TENM2: variants seen among roughly 807,000 people sequenced by gnomAD.
The protein encoded by TENM2 is teneurin-2.
Under a neutral mutation model 245.2 loss-of-function variants are expected in TENM2, and 52 were observed. The observed-to-expected ratio is 0.21, with a 90% confidence interval of 0.17 to 0.27. The LOEUF is 0.27. TENM2 is among the 10% of genes least tolerant of loss of function. The probability of loss-of-function intolerance (pLI) is 1.00; values close to 1 mark genes in which losing one functional copy is unlikely to be tolerated. For synonymous variants in TENM2, 1,363 were observed against 1,438.9 expected (o/e 0.95, Z 1.19); for missense variants, 3,046 against 3,666.8 (o/e 0.83, Z 4.37).
At chr5:167,327,380 A>G (rs1241399460) in intron 1 of TENM2, among the ~76,000 whole-genome samples, 4 of 152,210 alleles carry the variant, frequency 2.6e-5, no homozygotes, top group African/African-American at 9.6e-5. Context: ...GGTGAACAAA[A>G]CATGCCTGGC....
At chr5:167,455,281 A>G (rs1765846101) in intron 2 of TENM2, among the ~76,000 whole-genome samples, 1 of 152,194 alleles carries the variant, frequency 6.6e-6, no homozygotes, top group Non-Finnish European at 1.5e-5. Flanking sequence ...TATACAGTTC[A>G]TCATTTGGAT....
the TENM2 span, among the ~76,000 whole-genome samples, chr5:166,991,934 G>T: frequency 6.6e-6 from 1 of 151,924 alleles, no homozygotes; most frequent in Non-Finnish European, 1.5e-5. Flanking sequence ...TTCTCAATAT[G>T]ACCTTTAAAA....
At chr5:167,719,608 G>C (rs1467665570) in intron 2 of TENM2, among the ~76,000 whole-genome samples, 2 of 152,218 alleles carry the variant, frequency 1.3e-5, no homozygotes, top group African/African-American at 4.8e-5. Context: ...AGGACTAATG[G>C]ACAGAAGAAA....
At chr5:168,134,573 G>C (rs1754880848) in intron 12 of TENM2, among the ~76,000 whole-genome samples, 2 of 152,216 alleles carry the variant, frequency 1.3e-5, no homozygotes, top group African/African-American at 4.8e-5. Context: ...TGTAATCCTA[G>C]CTACTCAGGA....
At chr5:167,099,057 T>A in the TENM2 span, among the ~76,000 whole-genome samples, 22 of 152,238 alleles carry the variant, frequency 1.4e-4, no homozygotes, top group Non-Finnish European at 1.3e-4. Flanking sequence ...TGTAGTTTTT[T>A]AAATATTTTT....
At chr5:168,053,724 C>A (rs1789307229) in intron 6 of TENM2, among the ~76,000 whole-genome samples, 1 of 152,132 alleles carries the variant, frequency 6.6e-6, no homozygotes, top group Non-Finnish European at 1.5e-5. Context: ...AGAGCTTGAG[C>A]ATTTACAGAT....
At chr5:167,582,440 C>T (rs1470478437) in intron 2 of TENM2, among the ~76,000 whole-genome samples, 1 of 152,040 alleles carries the variant, frequency 6.6e-6, no homozygotes, top group Non-Finnish European at 1.5e-5. Context: ...TATACACACA[C>T]ATATAGTCTC....
intron 23 of TENM2, 138 bp from the exon 26 acceptor site, chr5:168,225,950 C>T (rs1252216348): frequency 2.0e-5 from 13 of 662,970 alleles, no homozygotes; most frequent in Admixed American, 5.6e-5. Context: ...TTGACTGTGA[C>T]GAGGGGCCTC....
chr5:167,624,396 C>A (rs1352997192), intron 2 of TENM2, among the ~76,000 whole-genome samples: 1 of 152,002 alleles, frequency 6.6e-6, no homozygotes, highest in East Asian at 1.9e-4. Flanking sequence ...AAGATGAGAA[C>A]AATAGACACT....
intron 25 of TENM2, among the ~76,000 whole-genome samples, chr5:168,233,408 A>G (rs532660092): frequency 5.9e-5 from 9 of 152,302 alleles, no homozygotes; most frequent in Non-Finnish European, 1.3e-4. Context: ...CCCTGGTGAC[A>G]AGTGCCATGT....
At chr5:168,034,062 TATGTGTATATATATGTATAC>T (rs1288181625) in intron 5 of TENM2, among the ~76,000 whole-genome samples, 224 of 120,994 alleles carry the variant, frequency 1.9e-3, no homozygotes, top group Admixed American at 2.6e-3. Context: ...TATATATATA[TATGTGTATATATATGTATAC>T]ATATATATGT....
the TENM2 span, among the ~76,000 whole-genome samples, chr5:167,217,253 T>A: frequency 6.6e-6 from 1 of 152,128 alleles, no homozygotes; most frequent in Non-Finnish European, 1.5e-5. Flanking sequence ...TAGTCACAAG[T>A]TCCAGCAGAA....
At chr5:167,095,352 AC>A in the TENM2 span, among the ~76,000 whole-genome samples, 1 of 152,150 alleles carries the variant, frequency 6.6e-6, no homozygotes, top group Non-Finnish European at 1.5e-5. Context: ...ACAAAGACTG[AC>A]ATGGGGCAGG....
chr5:167,753,054 T>C (rs1306283349), intron 2 of TENM2, among the ~76,000 whole-genome samples: 2 of 152,164 alleles, frequency 1.3e-5, no homozygotes, highest in Non-Finnish European at 2.9e-5. Flanking sequence ...ATTAAAGAAA[T>C]GGCATATCTG....
intron 2 of TENM2, among the ~76,000 whole-genome samples, chr5:167,377,736 A>G (rs889712078): frequency 3.3e-5 from 5 of 152,122 alleles, no homozygotes; most frequent in African/African-American, 1.2e-4. Context: ...AAAGAAATCA[A>G]TGCTTTTTCA....
chr5:167,996,224 T>C (rs1411936703), intron 5 of TENM2, among the ~76,000 whole-genome samples: 1 of 152,126 alleles, frequency 6.6e-6, no homozygotes, highest in Non-Finnish European at 1.5e-5. Context: ...ATGCCAGCCC[T>C]GTGCAAACTA....
chr5:167,348,305 G>C (rs1364045762), intron 1 of TENM2, among the ~76,000 whole-genome samples: 1 of 152,144 alleles, frequency 6.6e-6, no homozygotes, highest in Non-Finnish European at 1.5e-5. Flanking sequence ...AATTTCTTCT[G>C]GGACAGTAGT....
the TENM2 span, among the ~76,000 whole-genome samples, chr5:167,223,157 A>G: frequency 6.6e-6 from 1 of 152,102 alleles, no homozygotes; most frequent in African/African-American, 2.4e-5. Flanking sequence ...TCACCCAAGT[A>G]TTTATCATTT....
chr5:167,777,642 C>G (rs1306585561), intron 2 of TENM2, among the ~76,000 whole-genome samples: 1 of 152,154 alleles, frequency 6.6e-6, no homozygotes, highest in Non-Finnish European at 1.5e-5. Flanking sequence ...ATAACAGTAA[C>G]AGTGCCTAAC....
Sources: gnomAD v4.1 joint callset for allele counts (sites outside exome capture counted in the v4.1 genomes callset) on GRCh38, gnomAD v4.1.1 for gene constraint, MANE v1.5 for transcripts, NCBI Gene and HGNC (gene_info 2026-07-23, HGNC 2026-07-21) for gene names.